SPHKAP: variants seen among roughly 807,000 people sequenced by gnomAD.
SPHKAP encodes SPHK1 interactor, AKAP domain containing.
A neutral mutation model predicts 137.5 loss-of-function variants in SPHKAP; 67 were observed. That is an observed-to-expected ratio of 0.49 (90% CI 0.40 to 0.60). SPHKAP has a LOEUF of 0.60. Ranked by LOEUF, SPHKAP falls within the 20% of genes least tolerant of loss-of-function variation. The pLI is 0.00. For missense variants in SPHKAP, 2,097 were observed against 2,069.3 expected (o/e 1.01, Z -0.26); for synonymous variants, 813 against 785.3 (o/e 1.04, Z -0.59).
intron 8 of SPHKAP, among the ~76,000 whole-genome samples, chr2:227,995,184 GT>G (rs1239365251): frequency 2.0e-5 from 3 of 152,210 alleles, no homozygotes; most frequent in African/African-American, 7.2e-5. Context: ...CAGAGACAGA[GT>G]ATCAAACACA....
At chr2:228,099,888 G>T (rs1246395377) in intron 3 of SPHKAP, among the ~76,000 whole-genome samples, 1 of 151,300 alleles carries the variant, frequency 6.6e-6, no homozygotes, top group Non-Finnish European at 1.5e-5. Context: ...CTCGCTCTGT[G>T]GCCCAGGCGG....
At chr2:227,988,067 T>C (rs1486241061) in intron 11 of SPHKAP, among the ~76,000 whole-genome samples, 2 of 152,232 alleles carry the variant, frequency 1.3e-5, no homozygotes, top group East Asian at 3.8e-4. Context: ...CTCTCTTTCG[T>C]ACACCACTTG....
At chr2:228,155,693 G>T (rs1303969907) in intron 1 of SPHKAP, among the ~76,000 whole-genome samples, 2 of 152,178 alleles carry the variant, frequency 1.3e-5, no homozygotes, top group African/African-American at 4.8e-5. Flanking sequence ...AGAGCAAAAA[G>T]TGAGCAAGTC....
intron 3 of SPHKAP, among the ~76,000 whole-genome samples, chr2:228,053,453 T>C (rs548579274): frequency 3.3e-5 from 5 of 152,324 alleles, no homozygotes; most frequent in African/African-American, 1.2e-4. Context: ...CTTTAATTTA[T>C]TGCCTGGGCA....
intron 1 of SPHKAP, among the ~76,000 whole-genome samples, chr2:228,174,505 G>A (rs115503383): frequency 5.9e-5 from 9 of 152,046 alleles, no homozygotes; most frequent in Admixed American, 5.2e-4. Flanking sequence ...GTTCTGGCTC[G>A]GTCACTCACT....
chr2:228,022,070 G>A, intron 5 of SPHKAP, 104 bp from the exon 6 acceptor site: 3 of 1,368,356 alleles, frequency 2.2e-6, no homozygotes, highest in Non-Finnish European at 2.8e-6. Flanking sequence ...ATAGGAGTGG[G>A]GACCTTTAAA....
chr2:228,042,359 A>G (rs1018227885), intron 3 of SPHKAP, among the ~76,000 whole-genome samples: 2 of 152,088 alleles, frequency 1.3e-5, no homozygotes, highest in African/African-American at 2.4e-5. Flanking sequence ...CTATTATTAT[A>G]TATTTATTTT....
chr2:228,023,428 A>C (rs1694913766), intron 5 of SPHKAP, among the ~76,000 whole-genome samples: 1 of 152,168 alleles, frequency 6.6e-6, no homozygotes, highest in Non-Finnish European at 1.5e-5. Flanking sequence ...TTTCCAATGA[A>C]TCTGTTGGAG....
At position 228,025,270 on chromosome 2, in the gene SPHKAP, A is replaced by G. The variant is rs573801168; in HGVS notation, c.441+124T>C. 110 of 1,076,654 alleles carry G rather than the reference A, an allele frequency of 1.0e-4. 2 individuals are homozygous for G. In the Middle Eastern group the frequency reaches 1.3e-3, roughly 13 times the overall value. The allele number at this position is 1,076,654 out of a possible 1,614,324, so 66.7% of individuals were successfully genotyped here. A position where few individuals can be genotyped will look rare whatever the true frequency, so the allele number is the denominator to read the frequency against. ...ATACAAATGCAGACTTTTCTCAAAT[A>G]TAAAGACACTTTGATTCCTATGTTA... is the stretch of plus-strand genomic sequence containing the variant. On this transcript the variant is annotated intron_variant, in intron 5 of 11. Coordinates refer to ENST00000392056, the MANE Select transcript of SPHKAP (RefSeq NM_001142644.2).
intron 7 of SPHKAP, among the ~76,000 whole-genome samples, chr2:228,015,366 G>A (rs1200813760): frequency 6.6e-6 from 1 of 151,544 alleles, no homozygotes; most frequent in Non-Finnish European, 1.5e-5. Context: ...ATTGTGAATA[G>A]TGCTGCAATA....
chr2:228,077,283 A>G (rs928161246), intron 3 of SPHKAP, among the ~76,000 whole-genome samples: 2 of 152,176 alleles, frequency 1.3e-5, no homozygotes, highest in African/African-American at 4.8e-5. Flanking sequence ...TGGAGCTGTG[A>G]GAAGAGGGCC....
intron 1 of SPHKAP, among the ~76,000 whole-genome samples, chr2:228,178,836 A>G (rs1461654665): frequency 2.0e-5 from 3 of 152,074 alleles, no homozygotes; most frequent in African/African-American, 4.8e-5. Context: ...AATTTACTGC[A>G]CCTTTAAAAA....
intron 1 of SPHKAP, among the ~76,000 whole-genome samples, chr2:228,140,207 G>T (rs1051339479): frequency 6.6e-6 from 1 of 150,988 alleles, no homozygotes; most frequent in Admixed American, 6.6e-5. Context: ...TTGGCCTCTC[G>T]AAGTGTGGAG....
At chr2:228,071,006 C>T (rs1251412476) in intron 3 of SPHKAP, among the ~76,000 whole-genome samples, 5 of 152,282 alleles carry the variant, frequency 3.3e-5, no homozygotes, top group African/African-American at 1.2e-4. Context: ...TGGCAAGGTA[C>T]ATGATGATTT....
intron 1 of SPHKAP, among the ~76,000 whole-genome samples, chr2:228,142,673 G>A (rs1442947757): frequency 2.6e-5 from 4 of 152,032 alleles, no homozygotes; most frequent in Non-Finnish European, 5.9e-5. Context: ...ACCTAGATGA[G>A]GACAACACAC....
At chr2:228,147,003 TGAAG>T (rs1024199773) in intron 1 of SPHKAP, among the ~76,000 whole-genome samples, 9 of 152,344 alleles carry the variant, frequency 5.9e-5, no homozygotes, top group East Asian at 5.8e-4. Context: ...CATTTTAGAT[TGAAG>T]GAAGGGGGAT....
chr2:228,081,567 GGATA>G (rs1697365765), intron 3 of SPHKAP, among the ~76,000 whole-genome samples: 1 of 152,100 alleles, frequency 6.6e-6, no homozygotes. Context: ...GTGAATGAAT[GGATA>G]AAGAAAATGT....
At chr2:228,173,060 C>T in intron 1 of SPHKAP, 16 of 985,392 alleles carry the variant, frequency 1.6e-5, no homozygotes, top group Non-Finnish European at 1.9e-5. Flanking sequence ...TTTCCAGGTC[C>T]ATCCTGATCT....
chr2:228,064,794 T>G (rs1247627814), intron 3 of SPHKAP, among the ~76,000 whole-genome samples: 10 of 152,122 alleles, frequency 6.6e-5, no homozygotes, highest in Non-Finnish European at 1.5e-4. Context: ...ACCAGGAAAG[T>G]GTGGCACTAT....
Sources: allele counts gnomAD v4.1 joint callset (sites outside exome capture counted in the v4.1 genomes callset), GRCh38; gene constraint gnomAD v4.1.1; transcripts MANE v1.5; gene names NCBI Gene and HGNC (gene_info 2026-07-23, HGNC 2026-07-21).